Variants in AFF3 observed in about 807,000 individuals in gnomAD.
AFF3 encodes AF4/FMR2 family member 3.
In AFF3, 32 loss-of-function variants were observed where a neutral mutation model predicts 129.7. That is an observed-to-expected ratio of 0.25 (90% CI 0.19 to 0.33). AFF3 has a LOEUF of 0.33. Among genes scored for constraint, AFF3 ranks in the 10% least tolerant of loss-of-function variants. AFF3 has a pLI of 1.00. For missense variants in AFF3, 1,373 were observed against 1,592.0 expected (o/e 0.86, Z 2.34); for synonymous variants, 644 against 635.4 (o/e 1.01, Z -0.20).
intron 12 of AFF3, among the ~76,000 whole-genome samples, chr2:99,657,159 C>CA: frequency 6.6e-6 from 1 of 152,282 alleles, no homozygotes; most frequent in South Asian, 2.1e-4. Flanking sequence ...AACGAAAGCA[C>CA]AGAGCTGAAC....
chr2:99,582,187 C>CT (rs1405600240), intron 17 of AFF3, among the ~76,000 whole-genome samples: 3 of 152,092 alleles, frequency 2.0e-5, no homozygotes, highest in Non-Finnish European at 1.5e-5. Flanking sequence ...TCTTTTAAGT[C>CT]TTATCACTAC....
chr2:99,897,994 A>G (rs966629316), intron 7 of AFF3, among the ~76,000 whole-genome samples: 2 of 152,250 alleles, frequency 1.3e-5, no homozygotes, highest in Non-Finnish European at 2.9e-5. Context: ...CTTCTGAAAA[A>G]TACTGGAGAC....
At chr2:99,793,339 C>T (rs1476704860) in intron 8 of AFF3, among the ~76,000 whole-genome samples, 3 of 152,218 alleles carry the variant, frequency 2.0e-5, no homozygotes, top group African/African-American at 7.2e-5. Context: ...CCTGCAGAAC[C>T]CCGAGCCCAA....
At chr2:99,725,901 G>A (rs1187294763) in intron 11 of AFF3, among the ~76,000 whole-genome samples, 1 of 151,954 alleles carries the variant, frequency 6.6e-6, no homozygotes, top group South Asian at 2.1e-4. Context: ...TTACATTCTG[G>A]TTGCATGAAT....
chr2:100,060,509 G>A (rs1231598019), intron 4 of AFF3, among the ~76,000 whole-genome samples: 1 of 152,126 alleles, frequency 6.6e-6, no homozygotes, highest in East Asian at 1.9e-4. Context: ...GGTCACAGGT[G>A]TTGCTGAAAT....
At chr2:100,142,064 C>T (rs1299574523) in intron 1 of AFF3, among the ~76,000 whole-genome samples, 1 of 152,074 alleles carries the variant, frequency 6.6e-6, no homozygotes, top group Non-Finnish European at 1.5e-5. Context: ...CAGTCTGTGG[C>T]CATGTCATGG....
intron 8 of AFF3, among the ~76,000 whole-genome samples, chr2:99,833,262 G>A (rs1688635915): frequency 6.6e-6 from 1 of 152,132 alleles, no homozygotes; most frequent in African/African-American, 2.4e-5. Flanking sequence ...TGAGTTTCTG[G>A]AAAACCAAGG....
In AFF3 at chr2:99,858,600, G is replaced by C. The variant is rs75244692; in HGVS notation, c.874-21076C>G. Reference sequence around the variant, plus strand: ...AAGAACGAGATCATGTTCTGTGCAGGGACATGGATGGGGCTGGAGGCCATT... The same window carrying C: ...AAGAACGAGATCATGTTCTGTGCAGCGACATGGATGGGGCTGGAGGCCATT... On this transcript the variant is annotated intron_variant, in intron 7 of 24. Transcript: ENST00000672756. Among the ~76,000 whole-genome samples, 45 of 152,204 alleles carry C rather than the reference G, an allele frequency of 3.0e-4. No homozygotes were observed. In the East Asian group the frequency reaches 8.5e-3, roughly 29 times the overall value.
At chr2:99,941,129 C>A (rs1013203013) in intron 7 of AFF3, among the ~76,000 whole-genome samples, 5 of 150,092 alleles carry the variant, frequency 3.3e-5, no homozygotes, top group Non-Finnish European at 7.5e-5. Flanking sequence ...TGAGAGCACA[C>A]CAGGAAAAAC....
intron 14 of AFF3, among the ~76,000 whole-genome samples, chr2:99,599,552 G>A (rs1033932821): frequency 2.0e-5 from 3 of 152,150 alleles, no homozygotes; most frequent in African/African-American, 4.8e-5. Flanking sequence ...CACTGCGCCC[G>A]GCCAACTGTA....
At chr2:100,012,394 C>A (rs1299253370) in intron 4 of AFF3, among the ~76,000 whole-genome samples, 1 of 152,194 alleles carries the variant, frequency 6.6e-6, no homozygotes, top group Non-Finnish European at 1.5e-5. Context: ...AAGCCCCCCA[C>A]CACATATCAT....
chr2:99,601,321 G>A, intron 14 of AFF3, 114 bp downstream of exon 14: 1 of 1,261,410 alleles, frequency 7.9e-7, no homozygotes, highest in Non-Finnish European at 1.0e-6. Context: ...ACCTGGCTTG[G>A]GGTCTGCAGG....
intron 7 of AFF3, among the ~76,000 whole-genome samples, chr2:99,904,129 T>C (rs947518729): frequency 1.2e-4 from 19 of 152,164 alleles, no homozygotes; most frequent in African/African-American, 4.3e-4. Context: ...CTTTACCATC[T>C]GACGCTCAGC....
At chr2:100,061,857 A>T (rs115794730) in intron 4 of AFF3, among the ~76,000 whole-genome samples, 6 of 97,270 alleles carry the variant, frequency 6.2e-5, no homozygotes, top group Admixed American at 3.2e-4. Flanking sequence ...AGCACAGTGG[A>T]GGGGGGGGGG....
intron 7 of AFF3, among the ~76,000 whole-genome samples, chr2:99,970,342 T>A (rs940162730): frequency 6.6e-6 from 1 of 152,110 alleles, no homozygotes; most frequent in Non-Finnish European, 1.5e-5. Flanking sequence ...CAATCACAGA[T>A]CTTCTACAGC....
intron 7 of AFF3, among the ~76,000 whole-genome samples, chr2:99,969,146 G>C (rs763482225): frequency 7.2e-5 from 11 of 152,210 alleles, no homozygotes; most frequent in African/African-American, 2.2e-4. Context: ...TAAGGGAGAG[G>C]AGAAGATGGA....
intron 7 of AFF3, among the ~76,000 whole-genome samples, chr2:99,934,304 A>G (rs1012590305): frequency 6.6e-6 from 1 of 152,152 alleles, no homozygotes; most frequent in Non-Finnish European, 1.5e-5. Flanking sequence ...CTGACCCGAC[A>G]AATGGGCATT....
intron 7 of AFF3, among the ~76,000 whole-genome samples, chr2:99,944,206 C>T (rs1675341419): frequency 6.6e-6 from 1 of 152,174 alleles, no homozygotes; most frequent in Admixed American, 6.5e-5. Flanking sequence ...CGGCTCTACT[C>T]CTATTTTTGT....
At chr2:99,837,384 C>T in intron 8 of AFF3, 93 bp downstream of exon 8, 1 of 1,232,272 alleles carries the variant, frequency 8.1e-7, no homozygotes, top group Non-Finnish European at 1.2e-6. Context: ...AAACCACAGA[C>T]TATGGGCTCC....
Sources: gnomAD v4.1 joint callset for allele counts (sites outside exome capture counted in the v4.1 genomes callset) on GRCh38, gnomAD v4.1.1 for gene constraint, MANE v1.5 for transcripts, NCBI Gene and HGNC (gene_info 2026-07-23, HGNC 2026-07-21) for gene names.